The following ELMO1 variants were observed in gnomAD, a reference collection of about 807,000 sequenced individuals.
ELMO1 encodes the protein engulfment and cell motility protein 1.
In ELMO1, 26 loss-of-function variants were observed where a neutral mutation model predicts 98.9. The observed-to-expected ratio is 0.26, with a 90% confidence interval of 0.19 to 0.36. The LOEUF is 0.36. Ranked by LOEUF, ELMO1 falls within the 10% of genes least tolerant of loss-of-function variation. The probability of loss-of-function intolerance (pLI) is 1.00; values close to 1 mark genes in which losing one functional copy is unlikely to be tolerated. For missense variants in ELMO1, 627 were observed against 935.2 expected (o/e 0.67, Z 4.30); for synonymous variants, 346 against 346.0 (o/e 1.00, Z 0.00).
intron 14 of ELMO1, among the ~76,000 whole-genome samples, chr7:37,130,064 A>G (rs1421550431): frequency 6.6e-6 from 1 of 152,118 alleles, no homozygotes; most frequent in African/African-American, 2.4e-5. Flanking sequence ...CTGAGCCTAG[A>G]TGTCACTTCC....
intron 1 of ELMO1, among the ~76,000 whole-genome samples, chr7:37,395,960 C>T (rs1178949404): frequency 6.6e-6 from 1 of 151,362 alleles, no homozygotes; most frequent in Non-Finnish European, 1.5e-5. Flanking sequence ...GCTTTTTCGC[C>T]TTTACTTATT....
In ELMO1 at chr7:37,211,524, G is replaced by C; in HGVS notation, c.955-7C>G. The C allele has an allele frequency of 6.2e-7, 1 of 1,612,734 alleles. No individual in the cohort carries two copies. The highest frequency in any genetic ancestry group is 2.2e-5 in the East Asian group (1 of 44,802). On this transcript the variant is annotated splice_region_variant and splice_polypyrimidine_tract_variant and intron_variant, in intron 12 of 21. Transcript: ENST00000310758. ...ATATGATGTCCCTCTGAGCCTGAAG[G>C]AATCAGGGAGTAAAAAGAAAAGGGA...
chr7:36,990,609 G>A (rs1310747024), intron 16 of ELMO1, among the ~76,000 whole-genome samples: 1 of 152,004 alleles, frequency 6.6e-6, no homozygotes, highest in Non-Finnish European at 1.5e-5. Flanking sequence ...TGTTCTGCTT[G>A]GAGCAGGCAC....
At chr7:37,411,869 G>C (rs563366256) in intron 1 of ELMO1, among the ~76,000 whole-genome samples, 1 of 152,284 alleles carries the variant, frequency 6.6e-6, no homozygotes, top group South Asian at 2.1e-4. Context: ...CTTCAGCTTT[G>C]ATACTGCTGA....
chr7:37,013,620 G>A (rs1793717497), intron 15 of ELMO1, 185 bp from the exon 16 acceptor site: 4 of 642,578 alleles, frequency 6.2e-6, no homozygotes, highest in Admixed American at 3.0e-5. Flanking sequence ...GAAGTTTAAG[G>A]CCAGATAGTC....
At chr7:37,159,983 CATTTT>C (rs1789092973) in intron 13 of ELMO1, among the ~76,000 whole-genome samples, 1 of 152,146 alleles carries the variant, frequency 6.6e-6, no homozygotes, top group Non-Finnish European at 1.5e-5. Context: ...AGACAATCCA[CATTTT>C]ATTAATTAAA....
At chr7:37,430,354 G>A (rs1027020151) in intron 1 of ELMO1, among the ~76,000 whole-genome samples, 9 of 152,128 alleles carry the variant, frequency 5.9e-5, no homozygotes, top group Non-Finnish European at 1.0e-4. Flanking sequence ...CACATGTATC[G>A]TCATTTCCTG....
intron 3 of ELMO1, among the ~76,000 whole-genome samples, chr7:37,315,182 G>T (rs988568909): frequency 1.3e-5 from 2 of 152,190 alleles, no homozygotes; most frequent in African/African-American, 4.8e-5. Context: ...AAGGCTTGGT[G>T]TGGGAGATTT....
intron 15 of ELMO1, among the ~76,000 whole-genome samples, chr7:37,073,652 G>A (rs1035923369): frequency 4.6e-5 from 7 of 151,148 alleles, no homozygotes; most frequent in African/African-American, 7.3e-5. Flanking sequence ...GCTAGAGTAC[G>A]GTGGCACTGT....
At position 37,373,083 on chromosome 7, in the gene ELMO1, C is replaced by A. The variant is rs144487443; in HGVS notation, c.-73-30320G>T. ...TAAATGGTTCTGTCTGAAATCCTGTCCCATTGTCTGCCTTGAGAGTCAGCA... is the reference window on the plus strand; with the variant it reads ...TAAATGGTTCTGTCTGAAATCCTGTACCATTGTCTGCCTTGAGAGTCAGCA... On this transcript the variant is annotated intron_variant, in intron 1 of 21. Coordinates refer to ENST00000310758, the MANE Select transcript of ELMO1 (RefSeq NM_014800.11). Among the ~76,000 whole-genome samples the A allele has an allele frequency of 9.8e-5, 15 of 152,326 alleles. 1 individual carries two copies. The highest frequency in any genetic ancestry group is 6.8e-3 in the Middle Eastern group (2 of 294).
At chr7:36,936,019 G>A (rs1584399673) in intron 16 of ELMO1, among the ~76,000 whole-genome samples, 1 of 152,054 alleles carries the variant, frequency 6.6e-6, no homozygotes, top group South Asian at 2.1e-4. Flanking sequence ...TTTTATTCAG[G>A]TGTCCACTCA....
At chr7:36,906,593 G>C (rs1427686731) in intron 16 of ELMO1, among the ~76,000 whole-genome samples, 1 of 152,156 alleles carries the variant, frequency 6.6e-6, no homozygotes, top group African/African-American at 2.4e-5. Context: ...TGGGAGCAGA[G>C]AGAATAACCA....
At chr7:36,975,468 A>C (rs540677524) in intron 16 of ELMO1, among the ~76,000 whole-genome samples, 1 of 151,418 alleles carries the variant, frequency 6.6e-6, no homozygotes, top group African/African-American at 2.4e-5. Flanking sequence ...CAAGTCTCAA[A>C]AATAAAACAA....
Position 37,203,607 on chromosome 7 carries a change from G to C in ELMO1, c.1086+7779C>G, listed in dbSNP as rs567020554. The stretch of plus-strand genomic sequence containing the variant: ...TAACAGAGTCCTGGAGTTTATACTA[G>C]AAATAATTCTTATAGGAGAAACTAG... On this transcript the variant is annotated intron_variant, in intron 13 of 21. Transcript: ENST00000310758. 4.6e-5 allele frequency among the ~76,000 whole-genome samples: 7 copies of C among 152,262 alleles called. No homozygotes were observed. In the East Asian group the frequency reaches 1.4e-3, roughly 29 times the overall value.
chr7:36,975,457 G>C (rs1790443907), intron 16 of ELMO1, among the ~76,000 whole-genome samples: 1 of 152,052 alleles, frequency 6.6e-6, no homozygotes, highest in Admixed American at 6.5e-5. Context: ...GGGTGACAGA[G>C]CAAGTCTCAA....
intron 16 of ELMO1, among the ~76,000 whole-genome samples, chr7:36,967,533 A>C (rs1378054007): frequency 2.0e-5 from 3 of 152,074 alleles, no homozygotes; most frequent in Non-Finnish European, 4.4e-5. Context: ...CAAACTTTGC[A>C]CTTCTGGCAA....
At position 36,855,756 on chromosome 7, in the gene ELMO1, C is replaced by G; in HGVS notation, c.1984-5G>C. ...TCCATCCGTCCAGATACAGTACTGG[C>G]AGGAAGGGAGGCAACAGCGATCATT... On this transcript the variant is annotated splice_region_variant and splice_polypyrimidine_tract_variant and intron_variant, in intron 21 of 21. Transcript: ENST00000310758. The surrounding 1 kb of genome is among the most constrained non-coding windows in gnomAD (Gnocchi z 4.2). The G allele has an allele frequency of 6.2e-7, 1 of 1,613,850 alleles. No homozygotes were observed. The highest frequency in any genetic ancestry group is 1.1e-5 in the South Asian group (1 of 91,074).
intron 2 of ELMO1, among the ~76,000 whole-genome samples, chr7:37,320,115 A>G (rs1336041847): frequency 6.6e-6 from 1 of 152,100 alleles, no homozygotes; most frequent in Non-Finnish European, 1.5e-5. Context: ...AAATAAATAA[A>G]TAAATAAAAC....
chr7:36,977,928 T>C (rs796709862), intron 16 of ELMO1, among the ~76,000 whole-genome samples: 42 of 152,314 alleles, frequency 2.8e-4, no homozygotes, highest in African/African-American at 9.1e-4. Flanking sequence ...TTTTTTCTTA[T>C]TGTAGCTTCC....
Sources: allele counts gnomAD v4.1 joint callset (sites outside exome capture counted in the v4.1 genomes callset), GRCh38; gene constraint gnomAD v4.1.1; non-coding constraint Gnocchi (gnomAD v3.1); transcripts MANE v1.5; gene names NCBI Gene and HGNC (gene_info 2026-07-23, HGNC 2026-07-21).